Variants in RNF169 observed in about 807,000 individuals in gnomAD.
RNF169 encodes ring finger protein 169, also known as E3 ubiquitin-protein ligase RNF169.
In RNF169, 24 loss-of-function variants were observed where a neutral mutation model predicts 53.9. The observed-to-expected ratio is 0.45, with a 90% CI of 0.32 to 0.63. RNF169 has a LOEUF of 0.63. Ranked by LOEUF, RNF169 falls within the 20% of genes least tolerant of loss-of-function variation. RNF169 has a pLI of 0.04. For synonymous variants in RNF169, 396 were observed against 363.5 expected (o/e 1.09, Z -1.02); for missense variants, 883 against 906.2 (o/e 0.97, Z 0.33).
In RNF169 at chr11:74,840,557, G is replaced by A. The variant is rs1367567441; in HGVS notation, c.*3827G>A. On this transcript the variant is annotated 3_prime_UTR_variant, in exon 6 of 6. Transcript: ENST00000299563. ...GTGGATCACTGACATGGTCAGGGGA[G>A]GCCCACACCTCAATTCAGTAACCAC... 1 of 152,150 alleles carries A rather than the reference G, an allele frequency of 6.6e-6. No homozygotes were observed. Among genetic ancestry groups the A allele is most frequent in the Non-Finnish European group, 1.5e-5 (1 of 68,040 alleles). The allele number at this position is 152,150 out of a possible 1,614,324, so 9.4% of individuals were successfully genotyped here. A position where few individuals can be genotyped will look rare whatever the true frequency, so the allele number is the denominator to read the frequency against.
intron 1 of RNF169, among the ~76,000 whole-genome samples, chr11:74,778,675 T>C (rs1217451233): frequency 6.6e-6 from 1 of 152,218 alleles, no homozygotes; most frequent in East Asian, 1.9e-4. Context: ...TTCTATAGTA[T>C]TTTTACGTAG....
intron 1 of RNF169, among the ~76,000 whole-genome samples, chr11:74,777,729 C>A (rs2035357400): frequency 6.6e-6 from 1 of 151,884 alleles, no homozygotes; most frequent in South Asian, 2.1e-4. Flanking sequence ...CTCACTGCAG[C>A]CTTGACCTTC....
At chr11:74,749,525 G>A in intron 1 of RNF169, 143 bp downstream of exon 1, 1 of 697,792 alleles carries the variant, frequency 1.4e-6, no homozygotes, top group South Asian at 6.9e-5. Context: ...GCTCTACCCA[G>A]GTGCAGTGTG....
At chr11:74,827,017 T>C (rs1418900288) in intron 4 of RNF169, among the ~76,000 whole-genome samples, 2 of 152,192 alleles carry the variant, frequency 1.3e-5, no homozygotes, top group Non-Finnish European at 2.9e-5. Flanking sequence ...ACAGCTCCTC[T>C]AGGCAGTGCC....
In RNF169 at chr11:74,839,398, CCT is replaced by C. The variant is rs1447131591; in HGVS notation, c.*2674_*2675del. The stretch of plus-strand genomic sequence containing the variant: ...AATGCTTTTCTTTCTGAAAAATCTC[CCT>C]CTCTCCTTCCATGATTCTGAAGTTG... On this transcript the variant is annotated 3_prime_UTR_variant, in exon 6 of 6. Coordinates refer to ENST00000299563, the MANE Select transcript of RNF169 (RefSeq NM_001098638.2). The C allele has an allele frequency of 3.9e-5, 6 of 152,132 alleles. No homozygotes were observed. Among genetic ancestry groups the C allele is most frequent in the African/African-American group, 9.7e-5 (4 of 41,430 alleles). 9.4% of individuals were successfully genotyped at this position (152,132 alleles called of 1,614,324 possible). A position where few individuals can be genotyped will look rare whatever the true frequency, so the allele number is the denominator to read the frequency against.
chr11:74,823,393 T>C (rs2036044672), intron 4 of RNF169, among the ~76,000 whole-genome samples: 1 of 152,200 alleles, frequency 6.6e-6, no homozygotes, highest in African/African-American at 2.4e-5. Flanking sequence ...ATTGGAACTC[T>C]GGAAACTAAT....
chr11:74,774,316 A>C (rs1290648682), intron 1 of RNF169, among the ~76,000 whole-genome samples: 1 of 151,554 alleles, frequency 6.6e-6, no homozygotes, highest in Non-Finnish European at 1.5e-5. Flanking sequence ...ACTGCAGTCC[A>C]GCCTGGATGA....
At chr11:74,822,755 G>C (rs1242044066) in intron 4 of RNF169, among the ~76,000 whole-genome samples, 1 of 152,170 alleles carries the variant, frequency 6.6e-6, no homozygotes, top group Admixed American at 6.5e-5. Context: ...CAAACACTTA[G>C]CACAGTGCCT....
chr11:74,800,925 C>G (rs2035719954), intron 2 of RNF169, among the ~76,000 whole-genome samples: 1 of 152,148 alleles, frequency 6.6e-6, no homozygotes, highest in Non-Finnish European at 1.5e-5. Context: ...TATATGTAAA[C>G]TTGGATGCCT....
At chr11:74,827,235 C>T (rs978067974) in intron 4 of RNF169, among the ~76,000 whole-genome samples, 5 of 152,210 alleles carry the variant, frequency 3.3e-5, no homozygotes, top group East Asian at 3.9e-4. Context: ...GCTTGGGGCT[C>T]GTACTCTCTG....
intron 2 of RNF169, among the ~76,000 whole-genome samples, chr11:74,799,086 G>GT (rs66563289): frequency 0.84 from 118,840 of 140,848 alleles, 50,630 homozygotes; most frequent in East Asian, 0.99. Context: ...ATTTCCAGTG[G>GT]TTTTTTTTTT....
chr11:74,767,403 T>TTTTTTA (rs1287719324), intron 1 of RNF169, among the ~76,000 whole-genome samples: 5 of 151,496 alleles, frequency 3.3e-5, no homozygotes, highest in African/African-American at 1.2e-4. Context: ...GAAAGTTTCT[T>TTTTTTA]TTTTTATTTT....
intron 3 of RNF169, 46 bp downstream of exon 3, chr11:74,810,376 G>T (rs371608853): frequency 7.0e-6 from 11 of 1,582,138 alleles, no homozygotes; most frequent in African/African-American, 1.3e-5. Context: ...AAAAATCAGT[G>T]GTTAGCCCAG....
chr11:74,766,747 C>G lies in RNF169; in HGVS notation c.502+17365C>G, dbSNP rs560510206. On this transcript the variant is annotated intron_variant, in intron 1 of 5. Transcript: ENST00000299563. ...GGTTTCTCTAATAATATATTTGAAA[C>G]TTTTCCATAAAAAAAGCAAGAAGAA... is the stretch of plus-strand genomic sequence containing the variant. Among the ~76,000 whole-genome samples the G allele has an allele frequency of 5.9e-5, 9 of 152,184 alleles. No homozygotes were observed. The East Asian group carries it at 1.5e-3, about 26-fold the overall frequency.
chr11:74,810,244 C>G lies in RNF169; in HGVS notation c.637C>G (p.Pro213Ala), dbSNP rs1485986654. 1 of 1,613,254 alleles carries G rather than the reference C, an allele frequency of 6.2e-7. No homozygotes were observed. The highest frequency in any genetic ancestry group is 8.5e-7 in the Non-Finnish European group (1 of 1,179,422). Reference sequence around the variant, plus strand: ...TGAAGATCAAATCCACAAGCTGTTACCAGAGGATACAGAAACAGGGAAAAG... The same window carrying G: ...TGAAGATCAAATCCACAAGCTGTTAGCAGAGGATACAGAAACAGGGAAAAG... Reference protein sequence around the residue: ...PSEDQIHKLLPEDTETGKRKM... With the variant: ...PSEDQIHKLLAEDTETGKRKM... The change falls in exon 3 of 6, where the codon CCA (proline) becomes GCA (alanine). Residue 213 changes from proline (P) to alanine (A), a missense_variant. Around this residue, in one of 3 missense-constraint regions of RNF169, gnomAD observed 219 missense variants for 289.1 expected, o/e 0.76. Transcript: ENST00000299563.
At chr11:74,795,410 C>T (rs1469839565) in intron 2 of RNF169, among the ~76,000 whole-genome samples, 1 of 152,060 alleles carries the variant, frequency 6.6e-6, no homozygotes, top group Non-Finnish European at 1.5e-5. Flanking sequence ...ACTTGAACCT[C>T]TGGGCTCAAG....
chr11:74,811,926 C>T (rs1289692169), intron 3 of RNF169, among the ~76,000 whole-genome samples: 1 of 152,200 alleles, frequency 6.6e-6, no homozygotes, highest in Non-Finnish European at 1.5e-5. Context: ...TCTCCCTCTT[C>T]ACCCTGACAG....
In RNF169 at chr11:74,841,007, G is replaced by A. The variant is rs1290417959; in HGVS notation, c.*4277G>A. 1 of 151,796 alleles carries A rather than the reference G, an allele frequency of 6.6e-6. No individual in the cohort carries two copies. Among genetic ancestry groups the A allele is most frequent in the Non-Finnish European group, 1.5e-5 (1 of 67,956 alleles). The allele number at this position is 151,796 out of a possible 1,614,324, so 9.4% of individuals were successfully genotyped here. On this transcript the variant is annotated 3_prime_UTR_variant, in exon 6 of 6. Coordinates refer to ENST00000299563, the MANE Select transcript of RNF169 (RefSeq NM_001098638.2). ...TTAGTTAGAGTTAAATGTACCTATAGCCCCTGAATACATGCTCAGGTAGAG... is the reference window on the plus strand; with the variant it reads ...TTAGTTAGAGTTAAATGTACCTATAACCCCTGAATACATGCTCAGGTAGAG...
At chr11:74,822,519 T>C (rs1160907229) in intron 4 of RNF169, among the ~76,000 whole-genome samples, 1 of 152,208 alleles carries the variant, frequency 6.6e-6, no homozygotes, top group African/African-American at 2.4e-5. Flanking sequence ...AGACAGAGCT[T>C]TCCTAGATGT....
Sources: allele counts gnomAD v4.1 joint callset (sites outside exome capture counted in the v4.1 genomes callset), GRCh38; gene constraint gnomAD v4.1.1; regional missense constraint gnomAD v4.1.1; transcripts MANE v1.5; gene names NCBI Gene and HGNC (gene_info 2026-07-23, HGNC 2026-07-21).